GRID2: variants seen among roughly 807,000 people sequenced by gnomAD.
The protein encoded by GRID2 is glutamate receptor ionotropic, delta-2.
GRID2 carries 33 observed loss-of-function variants against 114.8 expected under a neutral mutation model. That is an observed-to-expected ratio of 0.29 (90% confidence interval 0.22 to 0.38). GRID2 has a LOEUF of 0.38. Ranked by LOEUF, GRID2 falls within the 10% of genes least tolerant of loss-of-function variation. The pLI is 1.00. For missense variants in GRID2, 1,184 were observed against 1,257.7 expected (o/e 0.94, Z 0.89); for synonymous variants, 505 against 449.9 (o/e 1.12, Z -1.55).
chr4:93,200,247 A>C (rs1264692717), intron 4 of GRID2, among the ~76,000 whole-genome samples: 1 of 152,198 alleles, frequency 6.6e-6, no homozygotes, highest in Non-Finnish European at 1.5e-5. Context: ...AAAAGGAAAG[A>C]AGCACAAGTA....
chr4:93,380,610 A>G (rs1299680178), intron 8 of GRID2, among the ~76,000 whole-genome samples: 1 of 151,882 alleles, frequency 6.6e-6, no homozygotes, highest in African/African-American at 2.4e-5. Flanking sequence ...TAAAAAGGAA[A>G]AGTTTTAAGA....
chr4:93,589,351 T>C (rs1463984467), intron 13 of GRID2, among the ~76,000 whole-genome samples: 3 of 151,826 alleles, frequency 2.0e-5, no homozygotes, highest in East Asian at 1.9e-4. Flanking sequence ...TGGTTTCCAA[T>C]TTCATCCATG....
At chr4:93,655,774 T>G (rs1560867446) in intron 14 of GRID2, among the ~76,000 whole-genome samples, 3 of 152,096 alleles carry the variant, frequency 2.0e-5, no homozygotes, top group Admixed American at 1.3e-4. Flanking sequence ...GTCTTGGAAC[T>G]TCTTACAAAT....
At chr4:93,501,142 AGT>A (rs1728060501) in intron 12 of GRID2, among the ~76,000 whole-genome samples, 1 of 152,000 alleles carries the variant, frequency 6.6e-6, no homozygotes, top group Admixed American at 6.6e-5. Context: ...CTGACCTGAG[AGT>A]GTGAAACTCC....
At chr4:92,785,995 T>A (rs1560590991) in intron 2 of GRID2, among the ~76,000 whole-genome samples, 1 of 151,882 alleles carries the variant, frequency 6.6e-6, no homozygotes. Context: ...ATTTCTAAGA[T>A]CTTTAGCTAA....
intron 2 of GRID2, among the ~76,000 whole-genome samples, chr4:92,875,418 C>A (rs1332510043): frequency 1.3e-5 from 2 of 152,082 alleles, no homozygotes; most frequent in East Asian, 1.9e-4. Flanking sequence ...CCTGCCTCAG[C>A]CTTCCAAAGT....
intron 1 of GRID2, among the ~76,000 whole-genome samples, chr4:92,444,376 GGTTT>G (rs1303618515): frequency 2.1e-5 from 3 of 142,272 alleles, no homozygotes; most frequent in Non-Finnish European, 3.1e-5. Flanking sequence ...AGTCAAAGGG[GGTTT>G]GTTCTCTGGC....
intron 2 of GRID2, among the ~76,000 whole-genome samples, chr4:93,073,436 A>G (rs1728984377): frequency 2.0e-5 from 3 of 152,156 alleles, no homozygotes; most frequent in African/African-American, 7.2e-5. Flanking sequence ...AGTATATATT[A>G]GTGTATGAAA....
chr4:92,348,676 T>C (rs754160933), intron 1 of GRID2, among the ~76,000 whole-genome samples: 9 of 152,292 alleles, frequency 5.9e-5, no homozygotes, highest in Non-Finnish European at 1.3e-4. Flanking sequence ...TTGCAAAGGA[T>C]CTTTCCTAAT....
chr4:93,602,849 T>A (rs1739832495), intron 13 of GRID2, among the ~76,000 whole-genome samples: 1 of 152,184 alleles, frequency 6.6e-6, no homozygotes, highest in Admixed American at 6.5e-5. Context: ...ATTAGCCAAG[T>A]TAAATGCAAA....
At chr4:93,117,217 C>T (rs1733354830) in intron 4 of GRID2, among the ~76,000 whole-genome samples, 1 of 152,028 alleles carries the variant, frequency 6.6e-6, no homozygotes, top group South Asian at 2.1e-4. Context: ...GGAGGTAGTG[C>T]TAGCTTTTGC....
At chr4:93,497,101 G>A (rs560536964) in intron 12 of GRID2, among the ~76,000 whole-genome samples, 1 of 151,404 alleles carries the variant, frequency 6.6e-6, no homozygotes, top group Admixed American at 6.6e-5. Context: ...GTCTCATTGT[G>A]GTTTTAATTT....
Position 93,490,647 on chromosome 4 carries a change from G to T in GRID2, c.1867G>T (p.Val623Phe), listed in dbSNP as rs770623951. Residue 623 changes from valine to phenylalanine, a missense_variant, in exon 12 of 16, where the codon GTC becomes TTC. Around this residue, in one of 3 missense-constraint regions of GRID2, gnomAD observed 717 missense variants for 796.9 expected, o/e 0.90. Transcript: ENST00000282020. ...YGSFVQQGGE[V>F]PYTTLATRMM... ...TTTGCTTCTTTCTACAGGCGGGGAA[G>T]TCCCGTACACGACTCTGGCTACCCG... 6.2e-7 allele frequency: 1 copy of T among 1,608,022 alleles called. No individual in the cohort carries two copies. Among genetic ancestry groups the T allele is most frequent in the Non-Finnish European group, 8.5e-7 (1 of 1,175,634 alleles).
chr4:92,870,392 C>T (rs1745192037), intron 2 of GRID2, among the ~76,000 whole-genome samples: 1 of 151,814 alleles, frequency 6.6e-6, no homozygotes, highest in Non-Finnish European at 1.5e-5. Context: ...ACGTTGAATG[C>T]AGAACAGGGC....
chr4:93,506,252 G>A (rs1419274851), intron 12 of GRID2, among the ~76,000 whole-genome samples: 3 of 151,992 alleles, frequency 2.0e-5, no homozygotes, highest in African/African-American at 7.2e-5. Flanking sequence ...TACTTTCGTC[G>A]GGACAGAGTG....
chr4:93,509,024 A>G (rs1485608253), intron 12 of GRID2, among the ~76,000 whole-genome samples: 2 of 152,218 alleles, frequency 1.3e-5, no homozygotes, highest in African/African-American at 4.8e-5. Flanking sequence ...ATGGAAATAG[A>G]AAAGGCTTAA....
intron 14 of GRID2, among the ~76,000 whole-genome samples, chr4:93,751,076 C>A (rs1356953825): frequency 2.6e-5 from 4 of 152,270 alleles, no homozygotes; most frequent in African/African-American, 7.2e-5. Context: ...AGGCTAGGGT[C>A]ATTCTTCTTA....
chr4:93,681,273 A>C (rs1458609812), intron 14 of GRID2, among the ~76,000 whole-genome samples: 1 of 151,574 alleles, frequency 6.6e-6, no homozygotes, highest in Non-Finnish European at 1.5e-5. Flanking sequence ...TCAAGGAAAT[A>C]AAAGAGGATA....
intron 2 of GRID2, among the ~76,000 whole-genome samples, chr4:92,738,198 T>C (rs1242347392): frequency 1.3e-5 from 2 of 152,164 alleles, no homozygotes; most frequent in Non-Finnish European, 2.9e-5. Context: ...TTTTTTCATG[T>C]CTTTTGGCTG....
Sources: allele counts gnomAD v4.1 joint callset (sites outside exome capture counted in the v4.1 genomes callset), GRCh38; gene constraint gnomAD v4.1.1; regional missense constraint gnomAD v4.1.1; transcripts MANE v1.5; gene names NCBI Gene and HGNC (gene_info 2026-07-23, HGNC 2026-07-21).